Variants in SH3BP4 observed in about 807,000 individuals in gnomAD.
The protein encoded by SH3BP4 is SH3 domain binding protein 4, also known as SH3 domain-binding protein 4.
A neutral mutation model predicts 65.5 loss-of-function variants in SH3BP4; 33 were observed. That is an observed-to-expected ratio of 0.50 (90% CI 0.38 to 0.67). The LOEUF (loss-of-function observed/expected upper bound fraction) is 0.67. Among genes scored for constraint, SH3BP4 ranks in the 30% least tolerant of loss-of-function variants. SH3BP4 has a pLI of 0.00. For missense variants in SH3BP4, 1,134 were observed against 1,261.4 expected (o/e 0.90, Z 1.53); for synonymous variants, 552 against 545.5 (o/e 1.01, Z -0.17).
At position 235,026,342 on chromosome 2, in the gene SH3BP4, C is replaced by T. The variant is rs1464599673; in HGVS notation, c.-132-8529C>T. 2.0e-5 allele frequency among the ~76,000 whole-genome samples: 3 copies of T among 152,176 alleles called. No individual in the cohort carries two copies. The highest frequency in any genetic ancestry group is 7.2e-5 in the African/African-American group (3 of 41,442). ...CTTTTTACAATAAAAACTGAGCAAG[C>T]AAGGAACACCTAGTGACGACTCATG... is the stretch of plus-strand genomic sequence containing the variant. On this transcript the variant is annotated intron_variant, in intron 2 of 5. Transcript: ENST00000392011. This position sits in a 1 kb window ranked among gnomAD's most constrained non-coding sequence, Gnocchi z 4.6.
chr2:235,042,974 G>A lies in SH3BP4; in HGVS notation c.2205G>A (p.Leu735=). Residue 735 remains leucine (L), a synonymous_variant, in exon 4 of 6, where the codon CTG becomes CTA. Coordinates refer to ENST00000392011, the MANE Select transcript of SH3BP4 (RefSeq NM_014521.3). The surrounding 1 kb of genome is among the most constrained non-coding windows in gnomAD (Gnocchi z 7.3). Reference sequence around the variant, plus strand: ...CCAGCCTGTGCTCGGGCCCCGAGCTGAGCACCTCGGTGCTGCTGGAGCAGA... The same window carrying A: ...CCAGCCTGTGCTCGGGCCCCGAGCTAAGCACCTCGGTGCTGCTGGAGCAGA... ...ARPSLCSGPE[L]STSVLLEQIL... 1.2e-6 allele frequency: 2 copies of A among 1,612,724 alleles called. No individual in the cohort carries two copies. Among genetic ancestry groups the A allele is most frequent in the Non-Finnish European group, 1.7e-6 (2 of 1,179,374 alleles).
chr2:235,039,973 A>G (rs560991257), intron 3 of SH3BP4, among the ~76,000 whole-genome samples: 12 of 152,362 alleles, frequency 7.9e-5, no homozygotes, highest in Non-Finnish European at 1.6e-4. Context: ...AGTGGCTCAC[A>G]CCAGTAATCC....
chr2:235,025,732 G>T (rs1288617061), intron 2 of SH3BP4, among the ~76,000 whole-genome samples: 1 of 152,232 alleles, frequency 6.6e-6, no homozygotes, highest in African/African-American at 2.4e-5. Context: ...AGCAGTAAAT[G>T]CCTAGAGATG....
intron 1 of SH3BP4, among the ~76,000 whole-genome samples, chr2:234,962,293 C>T (rs955882485): frequency 2.1e-4 from 32 of 151,740 alleles, no homozygotes; most frequent in African/African-American, 7.0e-4. Context: ...CATGCCACCA[C>T]GCTCGGGTAA....
chr2:234,955,350 C>T (rs1692562723), intron 1 of SH3BP4, among the ~76,000 whole-genome samples: 1 of 152,142 alleles, frequency 6.6e-6, no homozygotes, highest in African/African-American at 2.4e-5. Context: ...TCACATTCTG[C>T]CACCACCCTG....
At chr2:235,012,674 C>A (rs1410955072) in intron 2 of SH3BP4, among the ~76,000 whole-genome samples, 1 of 152,234 alleles carries the variant, frequency 6.6e-6, no homozygotes, top group African/African-American at 2.4e-5. Flanking sequence ...CTCTTGCTAT[C>A]ACCCACCTTA....
Position 234,976,577 on chromosome 2 carries a change from G to A in SH3BP4, c.-206-18726G>A, listed in dbSNP as rs2106251563. Among the ~76,000 whole-genome samples, 1 of 152,186 alleles carries A rather than the reference G, an allele frequency of 6.6e-6. No homozygotes were observed. Among genetic ancestry groups the A allele is most frequent in the Admixed American group, 6.5e-5 (1 of 15,290 alleles). Reference sequence around the variant, plus strand: ...TTACCCGCCTCTGGTAGCGGACATAGGGGCATCTCTGAGCAGAGCAAGCAG... The same window carrying A: ...TTACCCGCCTCTGGTAGCGGACATAAGGGCATCTCTGAGCAGAGCAAGCAG... On this transcript the variant is annotated intron_variant, in intron 1 of 5. Transcript: ENST00000392011. The surrounding 1 kb of genome is among the most constrained non-coding windows in gnomAD (Gnocchi z 4.7).
At chr2:234,956,941 A>C (rs889891102) in intron 1 of SH3BP4, among the ~76,000 whole-genome samples, 1 of 152,166 alleles carries the variant, frequency 6.6e-6, no homozygotes. Context: ...TGTGCCGGTA[A>C]ACCTGCTCTC....
At chr2:235,027,334 G>A (rs1695033028) in intron 2 of SH3BP4, among the ~76,000 whole-genome samples, 1 of 152,160 alleles carries the variant, frequency 6.6e-6, no homozygotes, top group South Asian at 2.1e-4. Flanking sequence ...AAAGCCAGGA[G>A]TCCCTCCCAC....
chr2:234,982,014 G>T (rs1186717194), intron 1 of SH3BP4, among the ~76,000 whole-genome samples: 1 of 152,166 alleles, frequency 6.6e-6, no homozygotes, highest in Non-Finnish European at 1.5e-5. Context: ...AACTCCCTCT[G>T]ACTGGCACAG....
chr2:235,037,008 C>T (rs1695408479), intron 3 of SH3BP4, among the ~76,000 whole-genome samples: 1 of 152,022 alleles, frequency 6.6e-6, no homozygotes. Flanking sequence ...CACGCACATC[C>T]CAGTGATAGA....
At chr2:234,993,326 C>T (rs866093760) in intron 1 of SH3BP4, among the ~76,000 whole-genome samples, 1 of 152,244 alleles carries the variant, frequency 6.6e-6, no homozygotes, top group Non-Finnish European at 1.5e-5. Context: ...CGGATACCCA[C>T]TGAGGCTGTT....
chr2:235,049,336 CA>C (rs1695973053), intron 4 of SH3BP4, among the ~76,000 whole-genome samples: 1 of 152,186 alleles, frequency 6.6e-6, no homozygotes, highest in East Asian at 1.9e-4. Context: ...GAGTCAGAAG[CA>C]GGTGACTTTG....
chr2:235,041,360 A>G lies in SH3BP4; in HGVS notation c.591A>G (p.Ala197=), dbSNP rs755552902. 2 of 1,614,178 alleles carry G rather than the reference A, an allele frequency of 1.2e-6. No individual in the cohort carries two copies. Among genetic ancestry groups the G allele is most frequent in the South Asian group, 2.2e-5 (2 of 91,082 alleles). Reference sequence around the variant, plus strand: ...CTGTGGATTTGCTCCTTTTTGACGCAGGTACATCCTCCTTCACCGAATCCA... The same window carrying G: ...CTGTGGATTTGCTCCTTTTTGACGCGGGTACATCCTCCTTCACCGAATCCA... The part of the protein sequence containing the change: ...KSTVDLLLFD[A]GTSSFTESSS... The change falls in exon 4 of 6, where the codon GCA becomes GCG. Residue 197 remains alanine, a synonymous_variant. Coordinates refer to ENST00000392011, the MANE Select transcript of SH3BP4 (RefSeq NM_014521.3). The surrounding 1 kb of genome is among the most constrained non-coding windows in gnomAD (Gnocchi z 6.0).
At chr2:234,998,822 A>G (rs1470414286) in intron 2 of SH3BP4, among the ~76,000 whole-genome samples, 1 of 152,200 alleles carries the variant, frequency 6.6e-6, no homozygotes, top group Non-Finnish European at 1.5e-5. Context: ...CCTGGCTTTC[A>G]TACATCCTTG....
At chr2:235,016,833 T>G (rs1694698329) in intron 2 of SH3BP4, among the ~76,000 whole-genome samples, 1 of 152,188 alleles carries the variant, frequency 6.6e-6, no homozygotes, top group African/African-American at 2.4e-5. Flanking sequence ...TCTATCTGTC[T>G]GTGCATCCAA....
chr2:235,028,852 G>C (rs1695087814), intron 2 of SH3BP4, among the ~76,000 whole-genome samples: 1 of 152,190 alleles, frequency 6.6e-6, no homozygotes, highest in Non-Finnish European at 1.5e-5. Flanking sequence ...AGGCCCCGTG[G>C]TGGGAGGGGC....
intron 1 of SH3BP4, among the ~76,000 whole-genome samples, chr2:234,985,510 A>T (rs73124255): frequency 0.011 from 1,711 of 152,196 alleles, 35 homozygotes; most frequent in African/African-American, 0.036. Context: ...TAAGCATTTT[A>T]GACCCAATGC....
intron 1 of SH3BP4, among the ~76,000 whole-genome samples, chr2:234,965,463 T>C (rs1230312162): frequency 1.3e-5 from 2 of 152,230 alleles, no homozygotes; most frequent in East Asian, 3.8e-4. Context: ...CACATTAACC[T>C]GGCTAATCCC....
Sources: gnomAD v4.1 joint callset for allele counts (sites outside exome capture counted in the v4.1 genomes callset) on GRCh38, gnomAD v4.1.1 for gene constraint, Gnocchi (gnomAD v3.1) non-coding constraint, MANE v1.5 for transcripts, NCBI Gene and HGNC (gene_info 2026-07-23, HGNC 2026-07-21) for gene names.